The following BBS12 variants were observed in gnomAD, a reference collection of about 807,000 sequenced individuals.
The protein encoded by BBS12 is Bardet-Biedl syndrome 12.
A neutral mutation model predicts 5.6 loss-of-function variants in BBS12; 5 were observed. That is an observed-to-expected ratio of 0.89 (90% CI 0.46 to 1.86). The LOEUF is 1.86. BBS12 is among the 40% of genes most tolerant of loss of function. The pLI is 0.01. For synonymous variants in BBS12, 308 were observed against 306.8 expected (o/e 1.00, Z -0.04); for missense variants, 748 against 830.4 (o/e 0.90, Z 1.22).
At chr4:122,711,900 G>A in the BBS12 span, among the ~76,000 whole-genome samples, 1 of 152,174 alleles carries the variant, frequency 6.6e-6, no homozygotes, top group East Asian at 1.9e-4. Flanking sequence ...AACCAGGTGT[G>A]GGGGAATCTG....
chr4:122,723,703 A>C, the BBS12 span, among the ~76,000 whole-genome samples: 1 of 152,214 alleles, frequency 6.6e-6, no homozygotes, highest in East Asian at 1.9e-4. Context: ...ACTAAAATAT[A>C]AATCAGAACT....
At chr4:122,741,187 G>T (rs113462372) in intron 1 of BBS12, among the ~76,000 whole-genome samples, 78 of 151,160 alleles carry the variant, frequency 5.2e-4, no homozygotes, top group African/African-American at 1.5e-3. Flanking sequence ...GTTTTTTTTT[G>T]TTGTTGTTGT....
intron 1 of BBS12, chr4:122,733,889 C>G (rs1800745066): frequency 1.1e-5 from 1 of 95,014 alleles, no homozygotes; most frequent in African/African-American, 4.4e-5. Context: ...TTTTGTCTCA[C>G]TTATCTTCCT....
In BBS12 at chr4:122,742,686, G is replaced by A. The variant is rs1800900817; in HGVS notation, c.794G>A (p.Cys265Tyr). The A allele has an allele frequency of 2.5e-6, 4 of 1,614,134 alleles. No individual in the cohort carries two copies. The highest frequency in any genetic ancestry group is 1.1e-5 in the South Asian group (1 of 91,094). Residue 265 changes from cysteine to tyrosine, a missense_variant, in exon 2 of 2, where the codon TGT (cysteine) becomes TAT (tyrosine). Physicochemically the swap from Cys to Tyr is radical, Grantham distance 194. Coordinates refer to ENST00000314218, the MANE Select transcript of BBS12 (RefSeq NM_152618.3). ...ACAGCTACTCACAAAACTTACAGAT[G>A]TAATGATTTGGTAGAGTTGGCAGTA... ...HVTATHKTYR[C>Y]NDLVELAVGL...
Position 122,743,421 on chromosome 4 carries a change from CACAGATGCA to C in BBS12, c.1531_1539del (p.Gln511_Gln513del), listed in dbSNP as rs752762669. 81 of 1,614,088 alleles carry C rather than the reference CACAGATGCA, an allele frequency of 5.0e-5. No homozygotes were observed. The highest frequency in any genetic ancestry group is 6.4e-5 in the Non-Finnish European group (75 of 1,180,044). On this transcript the variant is annotated inframe_deletion, in exon 2 of 2. Coordinates refer to ENST00000314218, the MANE Select transcript of BBS12 (RefSeq NM_152618.3). ...GCCGTGCTCACTAACCCAGTTACTG[CACAGATGCA>C]AATCAAAGAAGATAGGTTCTGGACA...
At chr4:122,710,703 GTT>G in the BBS12 span, among the ~76,000 whole-genome samples, 1 of 146,726 alleles carries the variant, frequency 6.8e-6, no homozygotes, top group African/African-American at 2.5e-5. Context: ...GCATTTGTGC[GTT>G]TTTTTTTTTA....
the BBS12 span, among the ~76,000 whole-genome samples, chr4:122,726,179 A>G: frequency 6.6e-6 from 1 of 152,188 alleles, no homozygotes; most frequent in African/African-American, 2.4e-5. Context: ...TACGCATCCA[A>G]CAAAGGACCA....
the BBS12 span, among the ~76,000 whole-genome samples, chr4:122,706,924 T>C: frequency 6.6e-6 from 1 of 152,204 alleles, no homozygotes; most frequent in Non-Finnish European, 1.5e-5. Flanking sequence ...GATATAAATT[T>C]ATTCTGATAT....
chr4:122,729,328 G>A (rs1800668734), upstream of BBS12: 1 of 152,238 alleles, frequency 6.6e-6, no homozygotes, highest in African/African-American at 2.4e-5. Flanking sequence ...CAGGCCCAAG[G>A]CCCACTCTCA....
rs13135766 is a variant in BBS12, at chr4:122,743,272, G to T, written c.1380G>T (p.Val460=). ...TACAGGTGGCCTACATTACACAAGT[G>T]AATGAAGATTGTGTGGGCGACGGGG... ...GAVQVAYITQ[V]NEDCVGDGVC... Residue 460 remains valine (V), a synonymous_variant, in exon 2 of 2, where the codon GTG becomes GTT. Transcript: ENST00000314218. 1 of 1,614,106 alleles carries T rather than the reference G, an allele frequency of 6.2e-7. No individual in the cohort carries two copies. The highest frequency in any genetic ancestry group is 1.7e-5 in the Admixed American group (1 of 60,018).
Position 122,743,664 on chromosome 4 carries a change from TG to T in BBS12, c.1774del (p.Ala592GlnfsTer46), listed in dbSNP as rs1353969810. The T allele has an allele frequency of 6.2e-7, 1 of 1,614,196 alleles. No individual in the cohort carries two copies. The highest frequency in any genetic ancestry group is 1.7e-5 in the Admixed American group (1 of 60,018). On this transcript the variant is annotated frameshift_variant, in exon 2 of 2. Transcript: ENST00000314218. LOFTEE classifies it low-confidence loss of function (END_TRUNC). Reference sequence around the variant, plus strand: ...TACAGACCAACTGTGCTTAAATTCCTGGCAAATGGATGGCAGAAATACCTTT... The same window carrying T: ...TACAGACCAACTGTGCTTAAATTCCTGCAAATGGATGGCAGAAATACCTTT... ...AIYRPTVLKF[L>X]ANGWQKYLST...
At chr4:122,705,826 C>T in the BBS12 span, among the ~76,000 whole-genome samples, 1 of 152,178 alleles carries the variant, frequency 6.6e-6, no homozygotes, top group Non-Finnish European at 1.5e-5. Flanking sequence ...ATTTATGAGT[C>T]ATTTATTTAG....
chr4:122,703,992 G>A, the BBS12 span, among the ~76,000 whole-genome samples: 3 of 152,074 alleles, frequency 2.0e-5, no homozygotes, highest in African/African-American at 7.2e-5. Flanking sequence ...GGGACCACAG[G>A]CTTGCATCAC....
At chr4:122,740,255 AG>A (rs1284376258) in intron 1 of BBS12, among the ~76,000 whole-genome samples, 2 of 152,206 alleles carry the variant, frequency 1.3e-5, no homozygotes, top group Non-Finnish European at 2.9e-5. Context: ...TGACAGAGCG[AG>A]ACCCTGTCTA....
chr4:122,744,034 G>C lies in BBS12; in HGVS notation c.*9G>C. The C allele has an allele frequency of 6.2e-7, 1 of 1,608,624 alleles. No individual in the cohort carries two copies. The highest frequency in any genetic ancestry group is 8.5e-7 in the Non-Finnish European group (1 of 1,175,128). On this transcript the variant is annotated 3_prime_UTR_variant, in exon 2 of 2. Transcript: ENST00000314218. ...GCTTTCTATTTTTGTAGTGTTACTGGCTAAGTCTTTGGAAAATAATTTTTC... is the reference window on the plus strand; with the variant it reads ...GCTTTCTATTTTTGTAGTGTTACTGCCTAAGTCTTTGGAAAATAATTTTTC...
chr4:122,727,275 C>T, the BBS12 span, among the ~76,000 whole-genome samples: 24 of 152,096 alleles, frequency 1.6e-4, no homozygotes, highest in Admixed American at 1.5e-3. Context: ...GACGGAGTCT[C>T]GCTCTGTCAC....
chr4:122,714,570 A>T, the BBS12 span, among the ~76,000 whole-genome samples: 26 of 152,202 alleles, frequency 1.7e-4, no homozygotes, highest in Non-Finnish European at 2.5e-4. Flanking sequence ...ACATGAGGTC[A>T]GGAGTTCAAG....
chr4:122,728,039 T>C (rs1394697261), upstream of BBS12, among the ~76,000 whole-genome samples: 1 of 152,194 alleles, frequency 6.6e-6, no homozygotes, highest in Non-Finnish European at 1.5e-5. Context: ...GATAATACTT[T>C]GGGCATTTTC....
Position 122,744,232 on chromosome 4 carries a change from A to G in BBS12, c.*207A>G. 1.8e-6 allele frequency: 1 copy of G among 568,284 alleles called. No individual in the cohort carries two copies. The highest frequency in any genetic ancestry group is 3.2e-6 in the Non-Finnish European group (1 of 315,810). The allele number at this position is 568,284 out of a possible 1,614,324, so 35.2% of individuals were successfully genotyped here. A position where few individuals can be genotyped will look rare whatever the true frequency, so the allele number is the denominator to read the frequency against. ...CTGTTACTGTTTCGTGGGATGCTAC[A>G]GAATGCATAAGACACCTGGGTCAGA... On this transcript the variant is annotated 3_prime_UTR_variant, in exon 2 of 2. Coordinates refer to ENST00000314218, the MANE Select transcript of BBS12 (RefSeq NM_152618.3).
Sources: allele counts gnomAD v4.1 joint callset (sites outside exome capture counted in the v4.1 genomes callset), GRCh38; gene constraint gnomAD v4.1.1; transcripts MANE v1.5; gene names NCBI Gene and HGNC (gene_info 2026-07-23, HGNC 2026-07-21).